SMAD6: variants seen among roughly 807,000 people sequenced by gnomAD.
The protein encoded by SMAD6 is SMAD family member 6.
A neutral mutation model predicts 39.4 loss-of-function variants in SMAD6; 103 were observed. That is an observed-to-expected ratio of 2.62 (90% CI 2.23 to 3.08). SMAD6 has a LOEUF of 3.08. Among genes scored for constraint, SMAD6 ranks in the 30% most tolerant of loss-of-function variants. SMAD6 has a pLI of 0.00. For missense variants in SMAD6, 1,104 were observed against 742.9 expected, an observed-to-expected ratio of 1.49 and a Z score of -5.65; for synonymous variants, 445 against 353.3, an observed-to-expected ratio of 1.26 and a Z score of -2.91.
At chr15:66,731,100 A>G (rs1893618853) in intron 3 of SMAD6, among the ~76,000 whole-genome samples, 2 of 152,164 alleles carry the variant, frequency 1.3e-5, no homozygotes, top group Non-Finnish European at 2.9e-5. Flanking sequence ...TTATGTAACC[A>G]TTATTGCACA....
Position 66,754,373 on chromosome 15 carries a change from T to C in SMAD6, c.953-26624T>C, listed in dbSNP as rs552669916. Among the ~76,000 whole-genome samples, 4 of 152,286 alleles carry C rather than the reference T, an allele frequency of 2.6e-5. No homozygotes were observed. The East Asian group carries it at 7.7e-4, about 29-fold the overall frequency. ...TTTGCGGTATTCAGGGGTTCATACT[T>C]GCATCTTCTAAACAGCCTCCTCCGA... On this transcript the variant is annotated intron_variant, in intron 3 of 3. Transcript: ENST00000288840.
intron 3 of SMAD6, among the ~76,000 whole-genome samples, chr15:66,748,585 A>G (rs1263419452): frequency 6.6e-6 from 1 of 152,190 alleles, no homozygotes; most frequent in Non-Finnish European, 1.5e-5. Context: ...CTATTTAAAC[A>G]TTTAATTGAA....
intron 3 of SMAD6, among the ~76,000 whole-genome samples, chr15:66,765,947 G>A (rs899431934): frequency 1.3e-5 from 2 of 152,288 alleles, no homozygotes; most frequent in East Asian, 1.9e-4. Context: ...TGCAACCTGC[G>A]CCTCCCAGAT....
intron 3 of SMAD6, among the ~76,000 whole-genome samples, chr15:66,723,146 G>A (rs1893463377): frequency 6.6e-6 from 1 of 152,134 alleles, no homozygotes; most frequent in Admixed American, 6.5e-5. Context: ...GCAAAACTGT[G>A]GCATGGAACA....
Position 66,703,891 on chromosome 15 carries a change from C to A in SMAD6, c.633C>A (p.Ala211=), listed in dbSNP as rs765145132. The change falls in exon 1 of 4, where the codon GCC becomes GCA. Residue 211 remains alanine (A), a synonymous_variant. Transcript: ENST00000288840. ...GCGGCTGCGTGCTGGTGCCGCGCGC[C>A]GACCTCCGCCTGGGCGGCCAGCCCG... ...VPGGCVLVPR[A]DLRLGGQPAP... The A allele has an allele frequency of 3.2e-5, 41 of 1,294,258 alleles. No homozygotes were observed. In the East Asian group the frequency reaches 1.3e-3, roughly 40 times the overall value. The allele number at this position is 1,294,258 out of a possible 1,614,324, so 80.2% of individuals were successfully genotyped here.
intron 3 of SMAD6, among the ~76,000 whole-genome samples, chr15:66,719,349 G>A (rs527536972): frequency 1.3e-5 from 2 of 152,356 alleles, no homozygotes; most frequent in South Asian, 4.1e-4. Context: ...AAGTACCGGG[G>A]AAGGGGATGA....
intron 3 of SMAD6, among the ~76,000 whole-genome samples, chr15:66,728,217 C>T (rs1459555209): frequency 6.6e-6 from 1 of 152,118 alleles, no homozygotes; most frequent in African/African-American, 2.4e-5. Flanking sequence ...CTCAAAAGCC[C>T]CCTCTCATGT....
chr15:66,768,799 C>CT (rs1189989597), intron 3 of SMAD6, among the ~76,000 whole-genome samples: 1 of 152,188 alleles, frequency 6.6e-6, no homozygotes, highest in African/African-American at 2.4e-5. Context: ...CCCTTCCAGC[C>CT]TTTGAGTTTT....
At chr15:66,717,163 C>T (rs189683568) in intron 3 of SMAD6, 208 of 1,284,376 alleles carry the variant, frequency 1.6e-4, no homozygotes, top group Admixed American at 3.9e-4. Flanking sequence ...CTGGGGACAT[C>T]GAGGGCCAGG....
intron 3 of SMAD6, among the ~76,000 whole-genome samples, chr15:66,774,117 G>C (rs1413161280): frequency 3.3e-5 from 5 of 152,164 alleles, no homozygotes; most frequent in Non-Finnish European, 7.3e-5. Flanking sequence ...CACAACGCTG[G>C]TTCCTTCAGG....
intron 3 of SMAD6, among the ~76,000 whole-genome samples, chr15:66,777,157 G>A (rs1000909714): frequency 2.6e-5 from 4 of 152,152 alleles, no homozygotes; most frequent in East Asian, 1.9e-4. Flanking sequence ...TAATGTCAGC[G>A]GATACTCGAG....
chr15:66,703,538 TC>T lies in SMAD6; in HGVS notation c.281del (p.Ser94TrpfsTer31). The T allele has an allele frequency of 8.2e-7, 1 of 1,221,356 alleles. No individual in the cohort carries two copies. The highest frequency in any genetic ancestry group is 1.0e-6 in the Non-Finnish European group (1 of 978,920). 75.7% of individuals were successfully genotyped at this position (1,221,356 alleles called of 1,614,324 possible). On this transcript the variant is annotated frameshift_variant, in exon 1 of 4. Coordinates refer to ENST00000288840, the MANE Select transcript of SMAD6 (RefSeq NM_005585.5). LOFTEE classifies it high-confidence loss of function. ...CGCAGGGGGCCCCCCGAGGCCCATG[TC>T]GGAGCCAGGGGCCGGCGCTGGGAGC... ...RRAGGPPRPMSEPGAGAGSSL... is the reference protein window; with the variant it reads ...RRAGGPPRPMXEPGAGAGSSL...
At chr15:66,748,731 C>T (rs1013158758) in intron 3 of SMAD6, among the ~76,000 whole-genome samples, 3 of 152,170 alleles carry the variant, frequency 2.0e-5, no homozygotes, top group South Asian at 4.1e-4. Flanking sequence ...TTTTCCCCTT[C>T]CCTGCTGTTC....
intron 3 of SMAD6, among the ~76,000 whole-genome samples, chr15:66,776,217 C>T (rs1043543226): frequency 1.1e-4 from 16 of 152,210 alleles, no homozygotes; most frequent in Non-Finnish European, 1.8e-4. Flanking sequence ...CCTTGTCATC[C>T]ACAGTCCTAT....
intron 3 of SMAD6, among the ~76,000 whole-genome samples, chr15:66,751,803 G>A (rs1894010936): frequency 6.6e-6 from 1 of 152,240 alleles, no homozygotes; most frequent in Admixed American, 6.5e-5. Flanking sequence ...CAGAGCTGGA[G>A]GGACTTTGGC....
At chr15:66,710,266 T>A (rs1292985214) in intron 1 of SMAD6, among the ~76,000 whole-genome samples, 1 of 152,192 alleles carries the variant, frequency 6.6e-6, no homozygotes. Flanking sequence ...GTACCTGAGG[T>A]CTAAAATAGT....
At chr15:66,774,738 T>C (rs1894436374) in intron 3 of SMAD6, among the ~76,000 whole-genome samples, 1 of 152,218 alleles carries the variant, frequency 6.6e-6, no homozygotes, top group Non-Finnish European at 1.5e-5. Context: ...TTCCCATGGT[T>C]CCAGTCAAGA....
chr15:66,764,478 C>T (rs964358488), intron 3 of SMAD6, among the ~76,000 whole-genome samples: 1 of 151,858 alleles, frequency 6.6e-6, no homozygotes, highest in African/African-American at 2.4e-5. Context: ...TCCCTTCCTC[C>T]CTAGAGTATA....
At chr15:66,717,129 G>A (rs563128477) in intron 3 of SMAD6, 2 of 1,288,336 alleles carry the variant, frequency 1.6e-6, no homozygotes, top group African/African-American at 3.0e-5. Flanking sequence ...AACTTTCCTT[G>A]AGAAATGAGA....
Sources: gnomAD v4.1 joint callset for allele counts (sites outside exome capture counted in the v4.1 genomes callset) on GRCh38, gnomAD v4.1.1 for gene constraint, MANE v1.5 for transcripts, NCBI Gene and HGNC (gene_info 2026-07-23, HGNC 2026-07-21) for gene names.